RAB3B: variants seen among roughly 807,000 people sequenced by gnomAD.
RAB3B encodes the protein ras-related protein Rab-3B.
A neutral mutation model predicts 20.5 loss-of-function variants in RAB3B; 11 were observed. The ratio of observed to expected loss-of-function variants is 0.54; its 90% confidence interval spans 0.34 to 0.89. The LOEUF is 0.89. RAB3B is among the 40% of genes least tolerant of loss of function. RAB3B has a pLI of 0.02. For synonymous variants in RAB3B, 99 were observed against 106.3 expected (o/e 0.93, Z 0.42); for missense variants, 225 against 280.9 (o/e 0.80, Z 1.42).
At chr1:51,987,142 A>C (rs970761264) in intron 1 of RAB3B, among the ~76,000 whole-genome samples, 4 of 152,218 alleles carry the variant, frequency 2.6e-5, no homozygotes, top group Non-Finnish European at 5.9e-5. Flanking sequence ...GGCGGCAGAA[A>C]TAAGCACCTA....
intron 1 of RAB3B, among the ~76,000 whole-genome samples, chr1:51,982,726 G>T (rs938304222): frequency 4.0e-5 from 6 of 151,704 alleles, no homozygotes; most frequent in African/African-American, 1.5e-4. Context: ...TCCAGCCTGG[G>T]TGACAGAGCA....
intron 3 of RAB3B, among the ~76,000 whole-genome samples, chr1:51,934,731 G>A (rs908839069): frequency 4.1e-5 from 5 of 123,090 alleles, no homozygotes; most frequent in East Asian, 4.9e-4. Context: ...AGCCAAGATC[G>A]CATCACTACA....
intron 2 of RAB3B, among the ~76,000 whole-genome samples, chr1:51,949,727 C>CA: frequency 6.6e-6 from 1 of 152,340 alleles, no homozygotes; most frequent in South Asian, 2.1e-4. Context: ...CAGACAGTGG[C>CA]ATGCTAACAG....
At chr1:51,960,538 C>T (rs952661709) in intron 2 of RAB3B, among the ~76,000 whole-genome samples, 11 of 152,070 alleles carry the variant, frequency 7.2e-5, no homozygotes, top group Admixed American at 3.9e-4. Flanking sequence ...TGTTGGGCAA[C>T]GGTGTGGGGG....
intron 2 of RAB3B, among the ~76,000 whole-genome samples, chr1:51,942,502 C>G (rs985792130): frequency 2.0e-5 from 3 of 152,188 alleles, no homozygotes; most frequent in Non-Finnish European, 4.4e-5. Flanking sequence ...AGACTGTGAT[C>G]TTTGGAGTTA....
rs1397662653 is a variant in RAB3B at position 51,910,925 on chromosome 1, A to G, written c.*9002T>C. 1 of 152,208 alleles carries G rather than the reference A, an allele frequency of 6.6e-6. No individual in the cohort carries two copies. The highest frequency in any genetic ancestry group is 1.5e-5 in the Non-Finnish European group (1 of 68,038). 9.4% of individuals were successfully genotyped at this position (152,208 alleles called of 1,614,324 possible). ...CTTTCTGTGACATGATTTTCTACCAAGCAAAGTCTTTTATTCAAGTCTCCC... is the reference window on the plus strand; with the variant it reads ...CTTTCTGTGACATGATTTTCTACCAGGCAAAGTCTTTTATTCAAGTCTCCC... On this transcript the variant is annotated 3_prime_UTR_variant, in exon 5 of 5. Transcript: ENST00000371655.
chr1:51,949,186 C>T (rs1006139736), intron 2 of RAB3B, among the ~76,000 whole-genome samples: 3 of 152,226 alleles, frequency 2.0e-5, no homozygotes, highest in African/African-American at 4.8e-5. Context: ...CTTGTGGTTT[C>T]CCAAACACGC....
intron 2 of RAB3B, among the ~76,000 whole-genome samples, chr1:51,971,030 A>AG (rs1557975588): frequency 6.6e-6 from 1 of 150,618 alleles, no homozygotes; most frequent in Admixed American, 6.6e-5. Flanking sequence ...AAAAAAAAAA[A>AG]AAAGAAAGAA....
intron 1 of RAB3B, among the ~76,000 whole-genome samples, chr1:51,982,363 T>C (rs1685099236): frequency 6.6e-6 from 1 of 152,094 alleles, no homozygotes; most frequent in South Asian, 2.1e-4. Flanking sequence ...CAGTGACCCA[T>C]GATTGCACCA....
Position 51,912,602 on chromosome 1 carries a change from A to ATGT in RAB3B, c.*7324_*7325insACA, listed in dbSNP as rs1557958127. On this transcript the variant is annotated 3_prime_UTR_variant, in exon 5 of 5. Transcript: ENST00000371655. ...ATATATATATATATATATATATATA[A>ATGT]AAAATGTTACTCCTGTGAGACAGAA... 1 of 16,270 alleles carries ATGT rather than the reference A, an allele frequency of 6.1e-5. No homozygotes were observed. Among genetic ancestry groups the ATGT allele is most frequent in the Non-Finnish European group, 1.1e-4 (1 of 8,898 alleles). The allele number at this position is 16,270 out of a possible 1,614,324, so 1.0% of individuals were successfully genotyped here. A position where few individuals can be genotyped will look rare whatever the true frequency, so the allele number is the denominator to read the frequency against.
In RAB3B at chr1:51,915,388, G is replaced by A. The variant is rs1391559205; in HGVS notation, c.*4539C>T. 3 of 152,066 alleles carry A rather than the reference G, an allele frequency of 2.0e-5. No homozygotes were observed. The highest frequency in any genetic ancestry group is 6.6e-5 in the Admixed American group (1 of 15,254). 9.4% of individuals were successfully genotyped at this position (152,066 alleles called of 1,614,324 possible). On this transcript the variant is annotated 3_prime_UTR_variant, in exon 5 of 5. Coordinates refer to ENST00000371655, the MANE Select transcript of RAB3B (RefSeq NM_002867.4). ...TGTGATACTCTCAGAATAATTAGGA[G>A]ATTTCCTTCCATTCTTTGGATGTCA...
intron 2 of RAB3B, among the ~76,000 whole-genome samples, chr1:51,950,332 C>T (rs1190568824): frequency 6.6e-6 from 1 of 152,196 alleles, no homozygotes; most frequent in African/African-American, 2.4e-5. Flanking sequence ...CTGTACACAT[C>T]ACATTTGTTA....
In RAB3B at chr1:51,912,554, A is replaced by ATATAT. The variant is rs1553226899; in HGVS notation, c.*7372_*7373insATATA. The ATATAT allele has an allele frequency of 1.9e-4, 3 of 15,502 alleles. No individual in the cohort carries two copies. Among genetic ancestry groups the ATATAT allele is most frequent in the Non-Finnish European group, 2.9e-4 (2 of 6,828 alleles). 1.0% of individuals were successfully genotyped at this position (15,502 alleles called of 1,614,324 possible). A position where few individuals can be genotyped will look rare whatever the true frequency, so the allele number is the denominator to read the frequency against. On this transcript the variant is annotated 3_prime_UTR_variant, in exon 5 of 5. Coordinates refer to ENST00000371655, the MANE Select transcript of RAB3B (RefSeq NM_002867.4). ...AGACCGTCTCTATTAAAAAAAAAAA[A>ATATAT]ATATATATATATATATATATATATA...
chr1:51,980,984 A>G (rs1685080234), intron 1 of RAB3B, among the ~76,000 whole-genome samples: 1 of 152,230 alleles, frequency 6.6e-6, no homozygotes, highest in Non-Finnish European at 1.5e-5. Context: ...CCTATTTGCA[A>G]GTATTACCTT....
intron 2 of RAB3B, among the ~76,000 whole-genome samples, chr1:51,937,934 A>C (rs1684429867): frequency 6.6e-6 from 1 of 152,034 alleles, no homozygotes; most frequent in Non-Finnish European, 1.5e-5. Context: ...GGCATGAACA[A>C]GCACATAAGA....
intron 1 of RAB3B, chr1:51,980,934 A>G (rs1440712380): frequency 2.4e-6 from 1 of 417,922 alleles, no homozygotes; most frequent in Non-Finnish European, 4.3e-6. Flanking sequence ...TTGTTAATTT[A>G]AAAGGTAATA....
At chr1:51,957,432 G>T (rs1051618694) in intron 2 of RAB3B, among the ~76,000 whole-genome samples, 2 of 152,190 alleles carry the variant, frequency 1.3e-5, no homozygotes, top group African/African-American at 2.4e-5. Context: ...CAGACAGTGT[G>T]AAGGGCAGCA....
rs2124221943 is a variant in RAB3B at position 51,915,961 on chromosome 1, G to C, written c.*3966C>G. ...CCCACCTCGGCCTCCCAAAGTGCTG[G>C]GATTACAGGCATGAGCTGCTGCGCC... On this transcript the variant is annotated 3_prime_UTR_variant, in exon 5 of 5. Transcript: ENST00000371655. 6.6e-6 allele frequency: 1 copy of C among 152,364 alleles called. No individual in the cohort carries two copies. The highest frequency in any genetic ancestry group is 1.5e-5 in the Non-Finnish European group (1 of 68,082). The allele number at this position is 152,364 out of a possible 1,614,324, so 9.4% of individuals were successfully genotyped here.
At chr1:51,964,097 G>A (rs577195384) in intron 2 of RAB3B, among the ~76,000 whole-genome samples, 2 of 152,182 alleles carry the variant, frequency 1.3e-5, no homozygotes, top group African/African-American at 4.8e-5. Flanking sequence ...TCAAAGTGCT[G>A]TGTCATACTT....
Sources: allele counts gnomAD v4.1 joint callset (sites outside exome capture counted in the v4.1 genomes callset), GRCh38; gene constraint gnomAD v4.1.1; transcripts MANE v1.5; gene names NCBI Gene and HGNC (gene_info 2026-07-23, HGNC 2026-07-21).